STON1: variants seen among roughly 807,000 people sequenced by gnomAD.
STON1 encodes stonin 1.
A neutral mutation model predicts 60.9 loss-of-function variants in STON1; 79 were observed. The observed-to-expected ratio is 1.30, with a 90% CI of 1.08 to 1.56. STON1 has a LOEUF of 1.56. STON1 is among the 40% of genes most tolerant of loss of function. The pLI is 0.00. For missense variants in STON1, 1,166 were observed against 858.9 expected, an observed-to-expected ratio of 1.36 and a Z score of -4.47; for synonymous variants, 363 against 306.9, an observed-to-expected ratio of 1.18 and a Z score of -1.91.
chr2:48,533,062 G>C (rs987057936), intron 1 of STON1, among the ~76,000 whole-genome samples: 2 of 152,070 alleles, frequency 1.3e-5, no homozygotes, highest in African/African-American at 4.8e-5. Context: ...AGACCAGACT[G>C]GGCAACAAAG....
In STON1 at chr2:48,595,327, G is replaced by A. The variant is rs1231851632; in HGVS notation, c.*25G>A. On this transcript the variant is annotated 3_prime_UTR_variant, in exon 4 of 4. Transcript: ENST00000404752. ...GGAGTAGCAAGAGTTTATGATGACA[G>A]CCCACTTGTCAAATATGTAATTCAC... 2.5e-6 allele frequency: 4 copies of A among 1,589,502 alleles called. No homozygotes were observed. The South Asian group carries it at 4.4e-5, about 18-fold the overall frequency.
chr2:48,575,020 T>C (rs189088619), intron 1 of STON1, among the ~76,000 whole-genome samples: 39 of 152,354 alleles, frequency 2.6e-4, no homozygotes, highest in African/African-American at 9.4e-4. Flanking sequence ...ACTTCCCATT[T>C]TTACCTACTC....
intron 1 of STON1, among the ~76,000 whole-genome samples, chr2:48,571,868 T>C (rs909348913): frequency 3.3e-5 from 5 of 151,926 alleles, no homozygotes; most frequent in African/African-American, 1.2e-4. Context: ...GAAGCAAGTG[T>C]AAAAAGGATT....
chr2:48,562,280 G>A (rs1460796125), intron 1 of STON1, among the ~76,000 whole-genome samples: 1 of 152,128 alleles, frequency 6.6e-6, no homozygotes, highest in Non-Finnish European at 1.5e-5. Context: ...GAACACACTG[G>A]GATTGAACCT....
At chr2:48,558,395 A>C (rs893155083) in intron 1 of STON1, among the ~76,000 whole-genome samples, 1 of 152,218 alleles carries the variant, frequency 6.6e-6, no homozygotes, top group Non-Finnish European at 1.5e-5. Flanking sequence ...GTCCACAGTG[A>C]TGTGGACATT....
intron 1 of STON1, among the ~76,000 whole-genome samples, chr2:48,543,078 G>A (rs1383155794): frequency 6.7e-6 from 1 of 150,076 alleles, no homozygotes; most frequent in African/African-American, 2.5e-5. Context: ...GGGTTTAAGC[G>A]ATTCTCCTGC....
At chr2:48,553,365 T>C (rs920807430) in intron 1 of STON1, among the ~76,000 whole-genome samples, 47 of 150,142 alleles carry the variant, frequency 3.1e-4, no homozygotes, top group African/African-American at 9.3e-4. Context: ...CCTTCCCTTC[T>C]CTTCCCTTCC....
chr2:48,571,063 C>T (rs370283928), intron 1 of STON1, among the ~76,000 whole-genome samples: 1 of 152,018 alleles, frequency 6.6e-6, no homozygotes, highest in Non-Finnish European at 1.5e-5. Flanking sequence ...ACCATGTTGG[C>T]CAGGCTGCTC....
intron 2 of STON1, among the ~76,000 whole-genome samples, chr2:48,585,046 G>A (rs777124887): frequency 4.6e-5 from 7 of 152,068 alleles, no homozygotes; most frequent in Admixed American, 6.6e-5. Flanking sequence ...ACCCCACAGC[G>A]TTCTCAAGAC....
At chr2:48,592,967 C>T (rs1013821304) in intron 3 of STON1, among the ~76,000 whole-genome samples, 8 of 152,000 alleles carry the variant, frequency 5.3e-5, no homozygotes, top group African/African-American at 1.9e-4. Context: ...CATTCTTAGG[C>T]AGATGAACTA....
At chr2:48,537,471 T>A (rs1480851393) in intron 1 of STON1, among the ~76,000 whole-genome samples, 1 of 152,214 alleles carries the variant, frequency 6.6e-6, no homozygotes, top group Non-Finnish European at 1.5e-5. Flanking sequence ...AGGTATATTA[T>A]TCTGTAGGGT....
chr2:48,531,578 G>T (rs1459146205), intron 1 of STON1: 2 of 152,232 alleles, frequency 1.3e-5, no homozygotes, highest in African/African-American at 2.4e-5. Context: ...CTGGAGTCTG[G>T]AGAGATTTTT....
chr2:48,591,888 A>C, intron 3 of STON1, 33 bp downstream of exon 3: 1 of 1,605,888 alleles, frequency 6.2e-7, no homozygotes, highest in Non-Finnish European at 8.5e-7. Context: ...CTGTGACCTG[A>C]TTTGGCTTTA....
At chr2:48,531,293 C>A (rs544445324) in intron 1 of STON1, 80 of 152,252 alleles carry the variant, frequency 5.3e-4, no homozygotes, top group Non-Finnish European at 6.2e-4. Context: ...ACTCCCCCAC[C>A]CCCACTTTCT....
intron 1 of STON1, among the ~76,000 whole-genome samples, chr2:48,546,619 A>C (rs1671876325): frequency 6.6e-6 from 1 of 152,278 alleles, no homozygotes; most frequent in Non-Finnish European, 1.5e-5. Context: ...ATTGTCTCCT[A>C]GACAGAAAAT....
intron 1 of STON1, among the ~76,000 whole-genome samples, chr2:48,572,559 T>C (rs1266873857): frequency 3.3e-5 from 5 of 152,198 alleles, no homozygotes; most frequent in African/African-American, 1.2e-4. Context: ...TGGAAATCAG[T>C]TTATTTGTCT....
chr2:48,595,207 T>C lies in STON1; in HGVS notation c.2134-21T>C, dbSNP rs777659061. The C allele has an allele frequency of 4.4e-6, 7 of 1,596,592 alleles. No individual in the cohort carries two copies. In the African/African-American group the frequency reaches 9.4e-5, roughly 21 times the overall value. On this transcript the variant is annotated intron_variant, in intron 3 of 3. Coordinates refer to ENST00000404752, the MANE Select transcript of STON1 (RefSeq NM_006873.4). ...GTGTTGCATTTGTTAATGCTGCCTG[T>C]GTTTTGCTTTTGCATAACAGGTTGA...
chr2:48,559,396 C>T (rs1202093720), intron 1 of STON1, among the ~76,000 whole-genome samples: 1 of 152,142 alleles, frequency 6.6e-6, no homozygotes, highest in Non-Finnish European at 1.5e-5. Flanking sequence ...ATGGCACCTT[C>T]TATGTGTTCT....
chr2:48,552,293 T>G (rs962232122), intron 1 of STON1, among the ~76,000 whole-genome samples: 1 of 151,700 alleles, frequency 6.6e-6, no homozygotes, highest in Admixed American at 6.6e-5. Flanking sequence ...GTACTTAGAG[T>G]AGACAAATTC....
Sources: allele counts gnomAD v4.1 joint callset (sites outside exome capture counted in the v4.1 genomes callset), GRCh38; gene constraint gnomAD v4.1.1; transcripts MANE v1.5; gene names NCBI Gene and HGNC (gene_info 2026-07-23, HGNC 2026-07-21).